The following LRP8 variants were observed in gnomAD, a reference collection of about 807,000 sequenced individuals.
The protein encoded by LRP8 is low-density lipoprotein receptor-related protein 8.
A neutral mutation model predicts 111.6 loss-of-function variants in LRP8; 46 were observed. The ratio of observed to expected loss-of-function variants is 0.41; its 90% CI spans 0.33 to 0.53. The LOEUF is 0.53. Among genes scored for constraint, LRP8 ranks in the 20% least tolerant of loss-of-function variants. The probability of loss-of-function intolerance (pLI) is 0.20; values close to 1 mark genes in which losing one functional copy is unlikely to be tolerated. For missense variants in LRP8, 959 were observed against 1,297.4 expected (o/e 0.74, Z 4.01); for synonymous variants, 464 against 511.2 (o/e 0.91, Z 1.24).
intron 2 of LRP8, among the ~76,000 whole-genome samples, chr1:53,298,468 G>A (rs530387836): frequency 1.3e-5 from 2 of 152,322 alleles, no homozygotes; most frequent in Admixed American, 6.5e-5. Flanking sequence ...CAGGCAGCAC[G>A]CTGAGAAGAT....
chr1:53,292,315 G>C (rs1185989557), intron 2 of LRP8, among the ~76,000 whole-genome samples: 1 of 152,206 alleles, frequency 6.6e-6, no homozygotes, highest in Non-Finnish European at 1.5e-5. Flanking sequence ...TGAGGAATCA[G>C]AGTCCACCTT....
intron 13 of LRP8, 38 bp downstream of exon 13, chr1:53,260,426 G>A (rs1198678378): frequency 1.9e-6 from 3 of 1,607,928 alleles, no homozygotes; most frequent in South Asian, 2.2e-5. Flanking sequence ...CAGTGACACA[G>A]TCAGGGGACC....
At position 53,289,559 on chromosome 1, in the gene LRP8, G is replaced by A. The variant is rs763299548; in HGVS notation, c.367+8C>T. 1.3e-6 allele frequency: 2 copies of A among 1,595,032 alleles called. No homozygotes were observed. The highest frequency in any genetic ancestry group is 2.3e-5 in the East Asian group (1 of 44,056). On this transcript the variant is annotated splice_region_variant and intron_variant, in intron 3 of 18. Coordinates refer to ENST00000306052, the MANE Select transcript of LRP8 (RefSeq NM_004631.5). Reference sequence around the variant, plus strand: ...CCACCCCCACCCAGACTGAGGGGCAGGACTCACTGCAAGTGGCCTCGGACT... The same window carrying A: ...CCACCCCCACCCAGACTGAGGGGCAAGACTCACTGCAAGTGGCCTCGGACT...
intron 2 of LRP8, among the ~76,000 whole-genome samples, chr1:53,308,192 G>A (rs995978385): frequency 4.6e-5 from 7 of 152,244 alleles, no homozygotes; most frequent in African/African-American, 1.7e-4. Flanking sequence ...CCTTTGCTGA[G>A]CCCTACTGTG....
In LRP8 at chr1:53,293,326, T is replaced by C. The variant is rs1649129718; in HGVS notation, c.245-3637A>G. 6.6e-6 allele frequency among the ~76,000 whole-genome samples: 1 copy of C among 152,200 alleles called. No individual in the cohort carries two copies. Among genetic ancestry groups the C allele is most frequent in the Non-Finnish European group, 1.5e-5 (1 of 68,028 alleles). ...GCAGCTGCAGGGAGAGTGGTGTTTT[T>C]GGCAACAGATTCGGTGGTGTTTTTG... On this transcript the variant is annotated intron_variant, in intron 2 of 18. Coordinates refer to ENST00000306052, the MANE Select transcript of LRP8 (RefSeq NM_004631.5). The surrounding 1 kb of genome is among the most constrained non-coding windows in gnomAD (Gnocchi z 4.9).
intron 3 of LRP8, among the ~76,000 whole-genome samples, chr1:53,288,854 C>T (rs564226956): frequency 1.6e-4 from 24 of 152,256 alleles, no homozygotes; most frequent in Non-Finnish European, 2.6e-4. Context: ...AATGACCTGC[C>T]GGGTGTAAGT....
chr1:53,242,432 T>C lies in LRP8; in HGVS notation c.*4586A>G, dbSNP rs1645658825. On this transcript the variant is annotated 3_prime_UTR_variant, in exon 19 of 19. Transcript: ENST00000306052. ...GATTTTACAAATGTCCACATTTGGT[T>C]TTCAGTTTACCAAGATGATGCCAGT... 6.6e-6 allele frequency: 1 copy of C among 152,182 alleles called. No homozygotes were observed. The highest frequency in any genetic ancestry group is 2.4e-5 in the African/African-American group (1 of 41,438). 9.4% of individuals were successfully genotyped at this position (152,182 alleles called of 1,614,324 possible). A position where few individuals can be genotyped will look rare whatever the true frequency, so the allele number is the denominator to read the frequency against.
At chr1:53,295,765 G>A (rs1649595811) in intron 2 of LRP8, among the ~76,000 whole-genome samples, 1 of 152,190 alleles carries the variant, frequency 6.6e-6, no homozygotes, top group Non-Finnish European at 1.5e-5. Context: ...GTTTCCTCCA[G>A]CCTTCCAAGC....
At position 53,249,829 on chromosome 1, in the gene LRP8, T is replaced by C. The variant is rs1022587631; in HGVS notation, c.2677-273A>G. Among the ~76,000 whole-genome samples, 5 of 152,216 alleles carry C rather than the reference T, an allele frequency of 3.3e-5. No homozygotes were observed. Among genetic ancestry groups the C allele is most frequent in the African/African-American group, 1.2e-4 (5 of 41,452 alleles). On this transcript the variant is annotated intron_variant, in intron 17 of 18. Coordinates refer to ENST00000306052, the MANE Select transcript of LRP8 (RefSeq NM_004631.5). This position sits in a 1 kb window ranked among gnomAD's most constrained non-coding sequence, Gnocchi z 4.1. ...CCTTGCCTGATTCCCCAGACAGAAT[T>C]AATAGCTCCCTTGTTGATGTTTCCA... is the stretch of plus-strand genomic sequence containing the variant.
rs368077211 is a variant in LRP8 at position 53,257,381 on chromosome 1, C to T, written c.2293G>A (p.Val765Ile). 151 of 1,614,072 alleles carry T rather than the reference C, an allele frequency of 9.4e-5. No homozygotes were observed. The highest frequency in any genetic ancestry group is 1.5e-4 in the African/African-American group (11 of 74,992). The change falls in exon 15 of 19, where the codon GTC (valine) becomes ATC (isoleucine). Residue 765 changes from valine (V) to isoleucine (I), a missense_variant. Coordinates refer to ENST00000306052, the MANE Select transcript of LRP8 (RefSeq NM_004631.5). The stretch of plus-strand genomic sequence containing the variant: ...TGGTTCTGGTAGGTGGATCTGTGGA[C>T]GGTGGTCCCGGGGGCTCTTGTGGTG... ...PATTRAPGTT[V>I]HRSTYQNHST...
At chr1:53,318,435 T>C (rs1363156497) in intron 2 of LRP8, among the ~76,000 whole-genome samples, 2 of 151,998 alleles carry the variant, frequency 1.3e-5, no homozygotes, top group African/African-American at 4.8e-5. Flanking sequence ...CATGGGGCCA[T>C]AGAGGGAGAG....
chr1:53,328,014 C>T lies in LRP8; in HGVS notation c.-102G>A, dbSNP rs1281488130. 8.4e-6 allele frequency: 6 copies of T among 715,104 alleles called. No individual in the cohort carries two copies. The highest frequency in any genetic ancestry group is 1.9e-5 in the African/African-American group (1 of 51,298). The allele number at this position is 715,104 out of a possible 1,614,324, so 44.3% of individuals were successfully genotyped here. A position where few individuals can be genotyped will look rare whatever the true frequency, so the allele number is the denominator to read the frequency against. On this transcript the variant is annotated 5_prime_UTR_variant, in exon 1 of 19. Coordinates refer to ENST00000306052, the MANE Select transcript of LRP8 (RefSeq NM_004631.5). ...TGCCGCGGCGCCGGGGTTGCCGCTG[C>T]CCCCGCCGCCGCCGCCGCCGCCGCT...
At chr1:53,259,256 C>T (rs972155043) in intron 13 of LRP8, among the ~76,000 whole-genome samples, 10 of 152,100 alleles carry the variant, frequency 6.6e-5, no homozygotes, top group African/African-American at 2.4e-4. Context: ...GAACTATAGG[C>T]GCATGCCACC....
rs1654581768 is a variant in LRP8, at chr1:53,322,005, A to C, written c.244+4868T>G. Among the ~76,000 whole-genome samples, 3 of 151,620 alleles carry C rather than the reference A, an allele frequency of 2.0e-5. No homozygotes were observed. In the South Asian group the frequency reaches 6.2e-4, roughly 31 times the overall value. On this transcript the variant is annotated intron_variant, in intron 2 of 18. Transcript: ENST00000306052. ...GGCTGAGGCGAGCACCAGCTGCAGG[A>C]ACCTCGACATCTGGCTAAGCAGACA...
intron 2 of LRP8, among the ~76,000 whole-genome samples, chr1:53,315,676 C>T (rs993414048): frequency 8.5e-5 from 13 of 152,198 alleles, no homozygotes; most frequent in East Asian, 3.8e-4. Context: ...CAGCTGGCTT[C>T]GCACCAAATG....
At chr1:53,289,854 C>A in intron 2 of LRP8, 165 bp from the exon 3 acceptor site, 3 of 836,760 alleles carry the variant, frequency 3.6e-6, no homozygotes, top group South Asian at 1.8e-5. Context: ...CTGAACACTG[C>A]GTGAAGACAG....
intron 2 of LRP8, among the ~76,000 whole-genome samples, chr1:53,295,029 C>T (rs1054170715): frequency 2.6e-5 from 4 of 152,206 alleles, no homozygotes; most frequent in Admixed American, 2.6e-4. Flanking sequence ...ATGTTACATG[C>T]CTGGAAGCCA....
Position 53,250,839 on chromosome 1 carries a change from T to C in LRP8, c.2527A>G (p.Ser843Gly). The change falls in exon 17 of 19, where the codon AGT becomes GGT. Residue 843 changes from serine to glycine, a missense_variant. By Grantham distance (56) the Ser-to-Gly change is moderately conservative. Around this residue, in one of 3 missense-constraint regions of LRP8, gnomAD observed 819 missense variants for 1,097.6 expected, o/e 0.75. Transcript: ENST00000306052. The surrounding 1 kb of genome is among the most constrained non-coding windows in gnomAD (Gnocchi z 4.6). ...CAGTTTCTCCAGATCAGGTATCCAC[T>C]CATGCACAGGAGGGCTATCACCACT... ...PIVVIALLCMSGYLIWRNWKR... is the reference protein window; with the variant it reads ...PIVVIALLCMGGYLIWRNWKR... The C allele has an allele frequency of 6.2e-7, 1 of 1,614,108 alleles. No homozygotes were observed. Among genetic ancestry groups the C allele is most frequent in the Non-Finnish European group, 8.5e-7 (1 of 1,180,010 alleles).
chr1:53,270,931 G>T lies in LRP8; in HGVS notation c.1252+97C>A, dbSNP rs1475487015. 3 of 1,558,142 alleles carry T rather than the reference G, an allele frequency of 1.9e-6. No homozygotes were observed. In the East Asian group the frequency reaches 6.8e-5, roughly 35 times the overall value. ...TCAGTAACACAACCTGCCTTCTTGT[G>T]TGTGCGCACATGTACACGCCCACTC... is the stretch of plus-strand genomic sequence containing the variant. On this transcript the variant is annotated intron_variant, in intron 8 of 18. Transcript: ENST00000306052.
Sources: allele counts gnomAD v4.1 joint callset (sites outside exome capture counted in the v4.1 genomes callset), GRCh38; gene constraint gnomAD v4.1.1; regional missense constraint gnomAD v4.1.1; non-coding constraint Gnocchi (gnomAD v3.1); transcripts MANE v1.5; gene names NCBI Gene and HGNC (gene_info 2026-07-23, HGNC 2026-07-21).